Variants in KDM2B observed in about 807,000 individuals in gnomAD.
KDM2B encodes the protein lysine-specific demethylase 2B.
Under a neutral mutation model 150.0 loss-of-function variants are expected in KDM2B, and 26 were observed. That is an observed-to-expected ratio of 0.17 (90% CI 0.13 to 0.24). KDM2B has a LOEUF of 0.24. Among genes scored for constraint, KDM2B ranks in the 10% least tolerant of loss-of-function variants. KDM2B has a pLI of 1.00. For missense variants in KDM2B, 1,265 were observed against 1,816.9 expected (o/e 0.70, Z 5.52); for synonymous variants, 734 against 729.5 (o/e 1.01, Z -0.10).
intron 11 of KDM2B, among the ~76,000 whole-genome samples, chr12:121,509,348 C>T (rs572612691): frequency 9.9e-5 from 15 of 151,986 alleles, no homozygotes; most frequent in African/African-American, 3.6e-4. Flanking sequence ...AGGTGTGAGC[C>T]ACCCCACCCA....
At chr12:121,546,594 G>A (rs1327658342) in intron 6 of KDM2B, among the ~76,000 whole-genome samples, 1 of 150,322 alleles carries the variant, frequency 6.7e-6, no homozygotes, top group Non-Finnish European at 1.5e-5. Context: ...TAGTAGAGAC[G>A]GGGTTTCACC....
At chr12:121,444,995 A>G (rs970447817) in intron 14 of KDM2B, 2 of 455,288 alleles carry the variant, frequency 4.4e-6, no homozygotes, top group East Asian at 8.2e-5. Flanking sequence ...AGCTACAAAC[A>G]AGCAGCCTGT....
chr12:121,534,184 C>T (rs868984651), intron 7 of KDM2B, among the ~76,000 whole-genome samples: 1 of 152,000 alleles, frequency 6.6e-6, no homozygotes, highest in Non-Finnish European at 1.5e-5. Flanking sequence ...CCCGTCTCTA[C>T]TAAAAATACA....
chr12:121,416,546 C>G, the KDM2B span: 1 of 581,920 alleles, frequency 1.7e-6, no homozygotes, highest in Non-Finnish European at 3.0e-6. Flanking sequence ...GATTATATTA[C>G]TGCTCAAGTT....
chr12:121,522,044 A>G lies in KDM2B; in HGVS notation c.932-944T>C, dbSNP rs142158680. ...GGATCACTTGAGCTCCAGAGGTTGAAGCTTCAGTGAACTGTGATCACACCC... is the reference window on the plus strand; with the variant it reads ...GGATCACTTGAGCTCCAGAGGTTGAGGCTTCAGTGAACTGTGATCACACCC... On this transcript the variant is annotated intron_variant, in intron 8 of 22. Coordinates refer to ENST00000377071, the MANE Select transcript of KDM2B (RefSeq NM_032590.5). 7.8e-3 allele frequency among the ~76,000 whole-genome samples: 1,170 copies of G among 150,720 alleles called. 11 individuals carry two copies. Among genetic ancestry groups the G allele is most frequent in the African/African-American group, 0.027 (1,123 of 40,988 alleles).
Position 121,430,306 on chromosome 12 carries a change from G to A in KDM2B, c.3993C>T (p.Leu1331=). 6.2e-7 allele frequency: 1 copy of A among 1,614,120 alleles called. No individual in the cohort carries two copies. The highest frequency in any genetic ancestry group is 8.5e-7 in the Non-Finnish European group (1 of 1,180,030). The change falls in exon 23 of 23, where the codon CTC becomes CTT. Residue 1331 remains leucine, a synonymous_variant. Transcript: ENST00000377071. This position sits in a 1 kb window ranked among gnomAD's most constrained non-coding sequence, Gnocchi z 4.4. ...CCTTGGACTAACTCAGTTTTTGCAG[G>A]AGTTTTTCTTCTACTTGCCCAAACT... ...SVQFGQVEEK[L]LQKLS
chr12:121,480,243 T>C (rs1199036841), intron 12 of KDM2B, among the ~76,000 whole-genome samples: 2 of 149,294 alleles, frequency 1.3e-5, no homozygotes, highest in African/African-American at 5.2e-5. Flanking sequence ...CAGACTTCCA[T>C]TGCCTTAACC....
At chr12:121,516,481 G>A (rs1281897515) in intron 9 of KDM2B, 13 of 1,356,568 alleles carry the variant, frequency 9.6e-6, no homozygotes, top group South Asian at 2.5e-5. Context: ...ACAGGTTGTC[G>A]CCTTCCACCC....
intron 17 of KDM2B, chr12:121,443,323 G>A (rs1329358026): frequency 5.2e-6 from 3 of 580,262 alleles, no homozygotes; most frequent in Non-Finnish European, 9.2e-6. Flanking sequence ...GGCTCTGGGA[G>A]CCAGTTCTGG....
chr12:121,467,028 C>G lies in KDM2B; in HGVS notation c.1735-13684G>C. 2.7e-6 allele frequency: 1 copy of G among 371,174 alleles called. No homozygotes were observed. Among genetic ancestry groups the G allele is most frequent in the South Asian group, 6.6e-5 (1 of 15,260 alleles). 23.0% of individuals were successfully genotyped at this position (371,174 alleles called of 1,614,324 possible). On this transcript the variant is annotated intron_variant, in intron 12 of 22. Coordinates refer to ENST00000377071, the MANE Select transcript of KDM2B (RefSeq NM_032590.5). The surrounding 1 kb of genome is among the most constrained non-coding windows in gnomAD (Gnocchi z 5.1). ...CTCGGGCCCGGCCCCGGCCGCCCCG[C>G]CGGCAGCGGCAGCAAAACTTTCTCC...
chr12:121,467,106 T>G lies in KDM2B; in HGVS notation c.1735-13762A>C. ...CGCCCTCGGCGCGTCAGACAGGCGG[T>G]CGGGAGGTCGTGCGGCGGGTCCCTC... On this transcript the variant is annotated intron_variant, in intron 12 of 22. Coordinates refer to ENST00000377071, the MANE Select transcript of KDM2B (RefSeq NM_032590.5). This position sits in a 1 kb window ranked among gnomAD's most constrained non-coding sequence, Gnocchi z 5.1. The G allele has an allele frequency of 9.4e-7, 1 of 1,058,370 alleles. No individual in the cohort carries two copies. The highest frequency in any genetic ancestry group is 3.1e-4 in the Middle Eastern group (1 of 3,254). 65.6% of individuals were successfully genotyped at this position (1,058,370 alleles called of 1,614,324 possible). A position where few individuals can be genotyped will look rare whatever the true frequency, so the allele number is the denominator to read the frequency against.
intron 13 of KDM2B, among the ~76,000 whole-genome samples, chr12:121,451,799 C>A (rs538046195): frequency 1.3e-5 from 2 of 152,100 alleles, no homozygotes; most frequent in East Asian, 3.9e-4. Context: ...GTAATCCCAG[C>A]TACTCAGGAG....
intron 1 of KDM2B, 119 bp from the exon 2 acceptor site, chr12:121,579,065 C>A: frequency 9.0e-7 from 1 of 1,105,710 alleles, no homozygotes; most frequent in South Asian, 1.5e-5. Context: ...CCCACCATTG[C>A]AACCCAAGCA....
At chr12:121,543,175 C>T (rs1322518728) in intron 6 of KDM2B, among the ~76,000 whole-genome samples, 3 of 151,502 alleles carry the variant, frequency 2.0e-5, no homozygotes, top group African/African-American at 2.4e-5. Context: ...GCCAACATGG[C>T]GAAACCCCTG....
chr12:121,480,323 G>T (rs1234120247), intron 12 of KDM2B, among the ~76,000 whole-genome samples: 1 of 151,670 alleles, frequency 6.6e-6, no homozygotes, highest in Non-Finnish European at 1.5e-5. Context: ...AAGAACTAAA[G>T]AACAAGCTAA....
intron 6 of KDM2B, among the ~76,000 whole-genome samples, chr12:121,543,891 GT>G (rs1555310142): frequency 1.3e-4 from 20 of 151,948 alleles, no homozygotes; most frequent in African/African-American, 4.4e-4. Flanking sequence ...GGAGGCCAAG[GT>G]CGGTGGACCA....
intron 2 of KDM2B, among the ~76,000 whole-genome samples, chr12:121,577,461 G>T (rs1450197756): frequency 6.6e-6 from 1 of 152,172 alleles, no homozygotes; most frequent in African/African-American, 2.4e-5. Context: ...TCTAGGACCA[G>T]GCAGGCTGGG....
chr12:121,490,831 T>C (rs1163858959), intron 12 of KDM2B, among the ~76,000 whole-genome samples: 1 of 152,138 alleles, frequency 6.6e-6, no homozygotes, highest in Non-Finnish European at 1.5e-5. Flanking sequence ...AAGGGCTTTG[T>C]TCTCCTGGAG....
intron 6 of KDM2B, among the ~76,000 whole-genome samples, chr12:121,546,236 G>A (rs182544345): frequency 6.6e-6 from 1 of 152,134 alleles, no homozygotes; most frequent in East Asian, 1.9e-4. Context: ...ATGAATGAAT[G>A]AATCAATCAA....
Sources: gnomAD v4.1 joint callset for allele counts (sites outside exome capture counted in the v4.1 genomes callset) on GRCh38, gnomAD v4.1.1 for gene constraint, Gnocchi (gnomAD v3.1) non-coding constraint, MANE v1.5 for transcripts, NCBI Gene and HGNC (gene_info 2026-07-23, HGNC 2026-07-21) for gene names.